Variants in CAD observed in about 807,000 individuals in gnomAD.
The protein encoded by CAD is multifunctional protein CAD.
CAD carries 81 observed loss-of-function variants against 237.2 expected under a neutral mutation model. The observed-to-expected ratio is 0.34, with a 90% CI of 0.29 to 0.41. The LOEUF is 0.41. CAD is among the 10% of genes least tolerant of loss of function. The pLI is 1.00. For synonymous variants in CAD, 1,196 were observed against 1,162.8 expected (o/e 1.03, Z -0.58); for missense variants, 2,181 against 2,951.7 (o/e 0.74, Z 6.05).
chr2:27,235,708 G>T lies in CAD; in HGVS notation c.4074+68G>T, dbSNP rs372268512. The T allele has an allele frequency of 2.5e-5, 34 of 1,344,782 alleles. No individual in the cohort carries two copies. In the East Asian group the frequency reaches 2.6e-4, roughly 10 times the overall value. 83.3% of individuals were successfully genotyped at this position (1,344,782 alleles called of 1,614,324 possible). A position where few individuals can be genotyped will look rare whatever the true frequency, so the allele number is the denominator to read the frequency against. On this transcript the variant is annotated intron_variant, in intron 25 of 43. Coordinates refer to ENST00000264705, the MANE Select transcript of CAD (RefSeq NM_004341.5). This position sits in a 1 kb window ranked among gnomAD's most constrained non-coding sequence, Gnocchi z 5.2. ...AAGGGGGTGAAAATACTGCACCAAA[G>T]AATTATCTGGGCTGGGCACGGTGGC...
At position 27,217,524 on chromosome 2, in the gene CAD, C is replaced by T. The variant is rs768898488; in HGVS notation, c.-28C>T. The T allele has an allele frequency of 3.2e-5, 50 of 1,571,638 alleles. No individual in the cohort carries two copies. Among genetic ancestry groups the T allele is most frequent in the Admixed American group, 1.2e-4 (7 of 57,360 alleles). On this transcript the variant is annotated 5_prime_UTR_variant, in exon 1 of 44. Transcript: ENST00000264705. ...TTGCAGTCCTTCCCGCTTCTCCGTACTCGCCCCCGCCTCTGAGCTCCCTTC... is the reference window on the plus strand; with the variant it reads ...TTGCAGTCCTTCCCGCTTCTCCGTATTCGCCCCCGCCTCTGAGCTCCCTTC...
rs749000692 is a variant in CAD at position 27,221,338 on chromosome 2, G to A, written c.343G>A (p.Gly115Ser). 6.4e-7 allele frequency: 1 copy of A among 1,573,312 alleles called. No homozygotes were observed. The highest frequency in any genetic ancestry group is 8.6e-7 in the Non-Finnish European group (1 of 1,161,644). ...GTGGCTGCAGCAGCATGGCATCCCT[G>A]GCTTGCAAGGTATGGTGGCAAGCAG... is the stretch of plus-strand genomic sequence containing the variant. ...HEWLQQHGIPGLQGVDTRELT... is the reference protein window; with the variant it reads ...HEWLQQHGIPSLQGVDTRELT... Residue 115 changes from glycine (G) to serine (S), a missense_variant, in exon 3 of 44, where the codon GGC (glycine) becomes AGC (serine). Transcript: ENST00000264705.
rs1166534937 is a variant in CAD at position 27,236,502 on chromosome 2, G to A, written c.4293G>A (p.Lys1431=). The A allele has an allele frequency of 1.9e-6, 3 of 1,612,546 alleles. No individual in the cohort carries two copies. Among genetic ancestry groups the A allele is most frequent in the Non-Finnish European group, 2.5e-6 (3 of 1,180,030 alleles). ...CCGTGCCCCTAATCATCGATATCAA[G>A]TGCACCAAACTCTTTGTGGAGGTAA... ...DFSVPLIIDI[K]CTKLFVEALG... The change falls in exon 26 of 44, where the codon AAG becomes AAA. Residue 1431 remains lysine (K), a synonymous_variant. Transcript: ENST00000264705. The surrounding 1 kb of genome is among the most constrained non-coding windows in gnomAD (Gnocchi z 4.1).
chr2:27,222,446 A>G (rs1045716972), intron 4 of CAD, 73 bp from the exon 5 acceptor site: 6 of 1,500,264 alleles, frequency 4.0e-6, no homozygotes, highest in Non-Finnish European at 3.7e-6. Context: ...TGAAGGTAGG[A>G]GTTGGTGCAG....
At chr2:27,227,829 G>A (rs1343498720) in intron 15 of CAD, among the ~76,000 whole-genome samples, 2 of 152,284 alleles carry the variant, frequency 1.3e-5, no homozygotes, top group Middle Eastern at 6.8e-3. Flanking sequence ...CATGGAAAAC[G>A]AGGAAAGATA....
In CAD at chr2:27,237,600, C is replaced by G. The variant is rs1376931528; in HGVS notation, c.4563+55C>G. 6.3e-7 allele frequency: 1 copy of G among 1,585,154 alleles called. No homozygotes were observed. The highest frequency in any genetic ancestry group is 1.3e-5 in the African/African-American group (1 of 74,358). On this transcript the variant is annotated intron_variant, in intron 28 of 43. Coordinates refer to ENST00000264705, the MANE Select transcript of CAD (RefSeq NM_004341.5). The surrounding 1 kb of genome is among the most constrained non-coding windows in gnomAD (Gnocchi z 4.0). Reference sequence around the variant, plus strand: ...AGACCCATATGCCCCTACCAGCCACCCTTGCTTCCCTGAGCCCTTTTCCTT... The same window carrying G: ...AGACCCATATGCCCCTACCAGCCACGCTTGCTTCCCTGAGCCCTTTTCCTT...
intron 3 of CAD, among the ~76,000 whole-genome samples, 185 bp from the exon 4 acceptor site, chr2:27,222,009 G>C (rs60133766): frequency 6.6e-6 from 1 of 150,932 alleles, no homozygotes; most frequent in East Asian, 1.9e-4. Context: ...GTTCAATTCA[G>C]ATGTGATATT....
chr2:27,240,344 C>T lies in CAD; in HGVS notation c.5576C>T (p.Ser1859Phe). 6.2e-7 allele frequency: 1 copy of T among 1,614,188 alleles called. No individual in the cohort carries two copies. The change falls in exon 35 of 44, where the codon TCC (serine) becomes TTC (phenylalanine). Residue 1859 changes from serine (S) to phenylalanine (F), a missense_variant. Ser to Phe is a radical substitution (Grantham distance 155, BLOSUM62 -2). Around this residue, in one of 12 missense-constraint regions of CAD, gnomAD observed 203 missense variants for 284.5 expected, o/e 0.71. Transcript: ENST00000264705. This position sits in a 1 kb window ranked among gnomAD's most constrained non-coding sequence, Gnocchi z 4.6. ...FHLPPRIHRA[S>F]DPGLPAEEPK... is the part of the protein sequence containing the mutation. The stretch of plus-strand genomic sequence containing the variant: ...CTGCCGCCCCGAATCCATCGAGCCT[C>T]CGACCCAGGTTTGCCAGGTAAGAGT...
At position 27,232,290 on chromosome 2, in the gene CAD, A is replaced by G; in HGVS notation, c.2645+66A>G. 6.3e-7 allele frequency: 1 copy of G among 1,597,726 alleles called. No individual in the cohort carries two copies. Among genetic ancestry groups the G allele is most frequent in the Non-Finnish European group, 8.5e-7 (1 of 1,172,870 alleles). On this transcript the variant is annotated intron_variant, in intron 17 of 43. Coordinates refer to ENST00000264705, the MANE Select transcript of CAD (RefSeq NM_004341.5). This position sits in a 1 kb window ranked among gnomAD's most constrained non-coding sequence, Gnocchi z 4.1. ...GGCAGAACCTTTGTATCAGTGAGGG[A>G]CCCTTGGGAGGGAGGAAGGAGAGTG... is the stretch of plus-strand genomic sequence containing the variant.
At chr2:27,228,921 TC>T (rs374870351) in intron 15 of CAD, among the ~76,000 whole-genome samples, 1 of 147,200 alleles carries the variant, frequency 6.8e-6, no homozygotes, top group Non-Finnish European at 1.5e-5. Flanking sequence ...TTTTTTTTTT[TC>T]TTTTTTTTTT....
Position 27,243,648 on chromosome 2 carries a change from A to C in CAD, c.*130A>C, listed in dbSNP as rs1676445484. 1.3e-6 allele frequency: 1 copy of C among 742,802 alleles called. No homozygotes were observed. The highest frequency in any genetic ancestry group is 1.8e-5 in the African/African-American group (1 of 56,568). 46.0% of individuals were successfully genotyped at this position (742,802 alleles called of 1,614,324 possible). On this transcript the variant is annotated 3_prime_UTR_variant, in exon 44 of 44. Transcript: ENST00000264705. ...AGCTCACATGTGCTGACCACACTTC[A>C]GGCTCTGGACTGGAGCTCTCTGGCA...
At position 27,240,415 on chromosome 2, in the gene CAD, T is replaced by C. The variant is rs1011000262; in HGVS notation, c.5593+54T>C. On this transcript the variant is annotated intron_variant, in intron 35 of 43. Coordinates refer to ENST00000264705, the MANE Select transcript of CAD (RefSeq NM_004341.5). This position sits in a 1 kb window ranked among gnomAD's most constrained non-coding sequence, Gnocchi z 4.6. ...ACTGTGTAGGGACAGGATCCACTTC[T>C]TCCCAGTGCCTCGCCTTTCTCTACT... 4 of 1,549,034 alleles carry C rather than the reference T, an allele frequency of 2.6e-6. No individual in the cohort carries two copies. The African/African-American group carries it at 4.1e-5, about 16-fold the overall frequency.
rs1318446626 is a variant in CAD, at chr2:27,237,721, G to T, written c.4567G>T (p.Ala1523Ser). The stretch of plus-strand genomic sequence containing the variant: ...TACCTCTGTGTATCCTCTCCAGCTG[G>T]CAGAGGCTGGCGCCCGGTGCGACTT... ...APALALAQKL[A>S]EAGARCDFAL... is the part of the protein sequence containing the mutation. The change falls in exon 29 of 44, where the codon GCA becomes TCA. Residue 1523 changes from alanine (A) to serine (S), a missense_variant. By Grantham distance (99) the Ala-to-Ser change is moderately conservative. Coordinates refer to ENST00000264705, the MANE Select transcript of CAD (RefSeq NM_004341.5). This position sits in a 1 kb window ranked among gnomAD's most constrained non-coding sequence, Gnocchi z 4.0. The T allele has an allele frequency of 1.9e-6, 3 of 1,612,320 alleles. No individual in the cohort carries two copies. The highest frequency in any genetic ancestry group is 1.7e-6 in the Non-Finnish European group (2 of 1,179,090).
Position 27,217,527 on chromosome 2 carries a change from G to T in CAD, c.-25G>T. 3.8e-6 allele frequency: 6 copies of T among 1,576,000 alleles called. No individual in the cohort carries two copies. In the South Asian group the frequency reaches 5.8e-5, roughly 15 times the overall value. On this transcript the variant is annotated 5_prime_UTR_variant, in exon 1 of 44. Coordinates refer to ENST00000264705, the MANE Select transcript of CAD (RefSeq NM_004341.5). ...CAGTCCTTCCCGCTTCTCCGTACTC[G>T]CCCCCGCCTCTGAGCTCCCTTCCCA...
At position 27,225,130 on chromosome 2, in the gene CAD, G is replaced by A; in HGVS notation, c.1507G>A (p.Gly503Ser). The change falls in exon 11 of 44, where the codon GGC becomes AGC. Residue 503 changes from glycine (G) to serine (S), a missense_variant. By Grantham distance (56) the Gly-to-Ser change is moderately conservative. Around this residue, in one of 12 missense-constraint regions of CAD, gnomAD observed 174 missense variants for 215.8 expected, o/e 0.81. Coordinates refer to ENST00000264705, the MANE Select transcript of CAD (RefSeq NM_004341.5). Reference sequence around the variant, plus strand: ...GGCTCGGTATGGGGTCCGGGTCCTGGGCACACCAGTGGAGACCATTGAGCT... The same window carrying A: ...GGCTCGGTATGGGGTCCGGGTCCTGAGCACACCAGTGGAGACCATTGAGCT... ...VLARYGVRVLGTPVETIELTE... is the reference protein window; with the variant it reads ...VLARYGVRVLSTPVETIELTE... 6.2e-7 allele frequency: 1 copy of A among 1,614,140 alleles called. No homozygotes were observed. Among genetic ancestry groups the A allele is most frequent in the Non-Finnish European group, 8.5e-7 (1 of 1,180,020 alleles).
chr2:27,239,251 G>A lies in CAD; in HGVS notation c.5253+19G>A. ...TGTGGAGGTGTGGGGATGAGGCCCA[G>A]AGCAGGAGGGGGGCTCTCCAGCCCT... On this transcript the variant is annotated intron_variant, in intron 32 of 43. Coordinates refer to ENST00000264705, the MANE Select transcript of CAD (RefSeq NM_004341.5). This position sits in a 1 kb window ranked among gnomAD's most constrained non-coding sequence, Gnocchi z 4.0. 6.2e-7 allele frequency: 1 copy of A among 1,601,260 alleles called. No homozygotes were observed. Among genetic ancestry groups the A allele is most frequent in the South Asian group, 1.1e-5 (1 of 90,452 alleles).
In CAD at chr2:27,236,186, C is replaced by T. The variant is rs1402713548; in HGVS notation, c.4075-98C>T. The T allele has an allele frequency of 6.6e-7, 1 of 1,513,874 alleles. No homozygotes were observed. The highest frequency in any genetic ancestry group is 8.9e-7 in the Non-Finnish European group (1 of 1,121,590). The allele number at this position is 1,513,874 out of a possible 1,614,324, so 93.8% of individuals were successfully genotyped here. ...TGCCCACCCTATGGGTCCTCAGTCT[C>T]CTCATCATGGGCTCCTGGGCCAGCT... On this transcript the variant is annotated intron_variant, in intron 25 of 43. Coordinates refer to ENST00000264705, the MANE Select transcript of CAD (RefSeq NM_004341.5). The surrounding 1 kb of genome is among the most constrained non-coding windows in gnomAD (Gnocchi z 4.1).
At position 27,220,257 on chromosome 2, in the gene CAD, T is replaced by C. The variant is rs187528296; in HGVS notation, c.223-961T>C. ...ATGACGTAAATAGCAAGAGAGGAAA[T>C]AAAGTATTAAAACAGCTCTAAGATG... On this transcript the variant is annotated intron_variant, in intron 2 of 43. Transcript: ENST00000264705. Among the ~76,000 whole-genome samples the C allele has an allele frequency of 3.3e-5, 5 of 152,112 alleles. No homozygotes were observed. In the East Asian group the frequency reaches 9.7e-4, roughly 29 times the overall value.
rs756052113 is a variant in CAD at position 27,243,405 on chromosome 2, T to C, written c.6576-11T>C. 3 of 1,562,730 alleles carry C rather than the reference T, an allele frequency of 1.9e-6. No homozygotes were observed. The Admixed American group carries it at 5.9e-5, about 31-fold the overall frequency. On this transcript the variant is annotated splice_polypyrimidine_tract_variant and intron_variant, in intron 43 of 43. Transcript: ENST00000264705. ...ATAACACTTCCTTTTTTTTTTTTTTTTTTTTTGCAGCGTGGAAGTGGACTC... is the reference window on the plus strand; with the variant it reads ...ATAACACTTCCTTTTTTTTTTTTTTCTTTTTTGCAGCGTGGAAGTGGACTC...
Sources: gnomAD v4.1 joint callset for allele counts (sites outside exome capture counted in the v4.1 genomes callset) on GRCh38, gnomAD v4.1.1 for gene constraint, gnomAD v4.1.1 regional missense constraint, Gnocchi (gnomAD v3.1) non-coding constraint, MANE v1.5 for transcripts, NCBI Gene and HGNC (gene_info 2026-07-23, HGNC 2026-07-21) for gene names.